Variants in CACNA1C observed in about 807,000 individuals in gnomAD.
CACNA1C encodes the protein calcium voltage-gated channel subunit alpha1 C, also known as voltage-dependent L-type calcium channel subunit alpha-1C.
In CACNA1C, 30 loss-of-function variants were observed where a neutral mutation model predicts 229.0. That is an observed-to-expected ratio of 0.13 (90% CI 0.10 to 0.18). CACNA1C has a LOEUF of 0.18. Ranked by LOEUF, CACNA1C falls within the 10% of genes least tolerant of loss-of-function variation. The pLI is 1.00. For synonymous variants in CACNA1C, 1,114 were observed against 1,132.5 expected (o/e 0.98, Z 0.33); for missense variants, 1,658 against 2,845.0 (o/e 0.58, Z 9.49).
At chr12:2,360,428 C>A (rs1190138113) in intron 3 of CACNA1C, among the ~76,000 whole-genome samples, 1 of 152,172 alleles carries the variant, frequency 6.6e-6, no homozygotes, top group Non-Finnish European at 1.5e-5. Context: ...CAAAGCTGCC[C>A]TACAGCTCTG....
intron 3 of CACNA1C, among the ~76,000 whole-genome samples, chr12:2,389,825 G>T (rs1181945987): frequency 6.6e-6 from 1 of 152,026 alleles, no homozygotes; most frequent in East Asian, 1.9e-4. Context: ...CAACCCTCCG[G>T]CACCGAATCC....
intron 3 of CACNA1C, among the ~76,000 whole-genome samples, chr12:2,376,058 A>G (rs1201739911): frequency 2.0e-5 from 3 of 152,262 alleles, no homozygotes; most frequent in African/African-American, 7.2e-5. Flanking sequence ...GGTGCCCAGC[A>G]CAGGGCCTGG....
intron 3 of CACNA1C, among the ~76,000 whole-genome samples, chr12:2,325,529 T>G (rs2096252401): frequency 6.6e-6 from 1 of 152,240 alleles, no homozygotes; most frequent in Admixed American, 6.5e-5. Flanking sequence ...CCTCACTTAC[T>G]CGTTGTGTGA....
Position 2,501,209 on chromosome 12 carries a change from C to CAAAAAAA in CACNA1C, c.1114-3614_1114-3608dup, listed in dbSNP as rs59324696. On this transcript the variant is annotated intron_variant, in intron 7 of 46. Transcript: ENST00000399655. ...TGGGCGACAGAGTGAGACTCCACCT[C>CAAAAAAA]AAAAAAAAAAAAAAAAAAAAAAAAA... Among the ~76,000 whole-genome samples, 347 of 31,352 alleles carry CAAAAAAA rather than the reference C, an allele frequency of 0.011. 53 individuals are homozygous for CAAAAAAA. In the East Asian group the frequency reaches 0.14, roughly 13 times the overall value. The allele number at this position is 31,352 out of a possible 152,430, so 20.6% of individuals were successfully genotyped here.
chr12:2,316,632 A>G (rs1384408498), intron 3 of CACNA1C, among the ~76,000 whole-genome samples: 1 of 152,228 alleles, frequency 6.6e-6, no homozygotes, highest in Non-Finnish European at 1.5e-5. Flanking sequence ...ATGGTCACTG[A>G]GTTTCAGTGG....
intron 1 of CACNA1C, among the ~76,000 whole-genome samples, chr12:1,984,733 CCTGA>C (rs1402902931): frequency 6.9e-6 from 1 of 144,270 alleles, no homozygotes; most frequent in East Asian, 2.0e-4. Context: ...TTCCTTCCAG[CCTGA>C]AGAATTTCTT....
intron 1 of CACNA1C, among the ~76,000 whole-genome samples, chr12:2,039,523 T>G (rs1030926814): frequency 6.6e-6 from 1 of 152,262 alleles, no homozygotes; most frequent in Non-Finnish European, 1.5e-5. Flanking sequence ...CAAGTACTAT[T>G]CTTGGTAAAG....
chr12:2,499,070 A>C (rs1397449130), intron 7 of CACNA1C, among the ~76,000 whole-genome samples: 2 of 152,066 alleles, frequency 1.3e-5, no homozygotes, highest in Non-Finnish European at 2.9e-5. Flanking sequence ...GGTTTTCAGC[A>C]CTCAATAAGC....
chr12:2,158,867 A>C (rs2095685238), intron 3 of CACNA1C, among the ~76,000 whole-genome samples: 1 of 152,208 alleles, frequency 6.6e-6, no homozygotes, highest in African/African-American at 2.4e-5. Flanking sequence ...GGGCCAACAC[A>C]GAAGATGGAG....
intron 7 of CACNA1C, among the ~76,000 whole-genome samples, chr12:2,499,554 A>C (rs1008720848): frequency 1.3e-5 from 2 of 152,190 alleles, no homozygotes; most frequent in African/African-American, 4.8e-5. Flanking sequence ...GGTTCCCTTC[A>C]AGGAATTAGA....
chr12:2,137,095 C>T (rs993923710), intron 3 of CACNA1C, among the ~76,000 whole-genome samples: 6 of 151,352 alleles, frequency 4.0e-5, no homozygotes, highest in Admixed American at 1.3e-4. Flanking sequence ...GTCCCCCTCT[C>T]GTGCCGAGAG....
At position 2,053,339 on chromosome 12, in the gene CACNA1C, T is replaced by C. The variant is rs531589437; in HGVS notation, c.-224T>C. ...TACTGAGGATGCGTTACAGTTTCAC[T>C]CGAGGAGGCAGTAGTGGAAAGGAGC... is the stretch of plus-strand genomic sequence containing the variant. On this transcript the variant is annotated 5_prime_UTR_variant, in exon 1 of 47. Coordinates refer to ENST00000399655, the MANE Select transcript of CACNA1C (RefSeq NM_000719.7). This position sits in a 1 kb window ranked among gnomAD's most constrained non-coding sequence, Gnocchi z 5.8. 231 of 1,306,790 alleles carry C rather than the reference T, an allele frequency of 1.8e-4. 1 individual carries two copies. In the African/African-American group the frequency reaches 3.1e-3, roughly 18 times the overall value. 80.9% of individuals were successfully genotyped at this position (1,306,790 alleles called of 1,614,324 possible).
At chr12:2,270,762 C>T (rs1328347826) in intron 3 of CACNA1C, among the ~76,000 whole-genome samples, 1 of 152,232 alleles carries the variant, frequency 6.6e-6, no homozygotes, top group East Asian at 1.9e-4. Flanking sequence ...CCTGATGCCA[C>T]AATGTCTGTA....
At chr12:2,187,435 A>G (rs543767798) in intron 3 of CACNA1C, among the ~76,000 whole-genome samples, 1 of 152,350 alleles carries the variant, frequency 6.6e-6, no homozygotes, top group Admixed American at 6.5e-5. Flanking sequence ...GGCGGTGGGC[A>G]GGAGAGAGGC....
At chr12:1,986,377 GTCAGGGTTTATC>G (rs1319122362) in intron 1 of CACNA1C, among the ~76,000 whole-genome samples, 1 of 152,150 alleles carries the variant, frequency 6.6e-6, no homozygotes, top group African/African-American at 2.4e-5. Flanking sequence ...CGACTACAAA[GTCAGGGTTTATC>G]TCAGGGTTTT....
chr12:2,156,510 C>G (rs1014597614), intron 3 of CACNA1C, among the ~76,000 whole-genome samples: 2 of 152,228 alleles, frequency 1.3e-5, no homozygotes, highest in African/African-American at 4.8e-5. Flanking sequence ...TTGAAATACT[C>G]TTTGATGACA....
chr12:2,047,333 C>G (rs1193383725), intron 1 of CACNA1C, among the ~76,000 whole-genome samples: 1 of 152,126 alleles, frequency 6.6e-6, no homozygotes, highest in Non-Finnish European at 1.5e-5. Context: ...CACTGTGCAC[C>G]CCACACACTT....
intron 3 of CACNA1C, among the ~76,000 whole-genome samples, chr12:2,441,104 T>G (rs1179832353): frequency 6.6e-6 from 1 of 152,244 alleles, no homozygotes; most frequent in Admixed American, 6.5e-5. Flanking sequence ...CTTTTGCACC[T>G]TGTACTGAGA....
chr12:2,606,778 C>A, intron 25 of CACNA1C, 115 bp downstream of exon 25: 1 of 1,002,958 alleles, frequency 1.0e-6, no homozygotes, highest in Non-Finnish European at 1.5e-6. Flanking sequence ...CACCTGCGCT[C>A]TGCCTGTGTG....
Sources: allele counts gnomAD v4.1 joint callset (sites outside exome capture counted in the v4.1 genomes callset), GRCh38; gene constraint gnomAD v4.1.1; non-coding constraint Gnocchi (gnomAD v3.1); transcripts MANE v1.5; gene names NCBI Gene and HGNC (gene_info 2026-07-23, HGNC 2026-07-21).